PTPRN2: variants seen among roughly 807,000 people sequenced by gnomAD.
PTPRN2 encodes receptor-type tyrosine-protein phosphatase N2.
A neutral mutation model predicts 118.8 loss-of-function variants in PTPRN2; 74 were observed. That is an observed-to-expected ratio of 0.62 (90% CI 0.52 to 0.76). PTPRN2 has a LOEUF of 0.76. PTPRN2 is among the 30% of genes least tolerant of loss of function. The probability of loss-of-function intolerance (pLI) is 0.00; values close to 1 mark genes in which losing one functional copy is unlikely to be tolerated. For missense variants in PTPRN2, 1,481 were observed against 1,394.4 expected (o/e 1.06, Z -0.99); for synonymous variants, 641 against 608.0 (o/e 1.05, Z -0.80).
chr7:157,761,069 C>T (rs1287502592), intron 12 of PTPRN2, among the ~76,000 whole-genome samples: 1 of 150,822 alleles, frequency 6.6e-6, no homozygotes, highest in South Asian at 2.1e-4. Flanking sequence ...TCAAGGAGAA[C>T]TACAAACCAC....
intron 11 of PTPRN2, among the ~76,000 whole-genome samples, chr7:157,907,951 G>C (rs1797871258): frequency 6.6e-6 from 1 of 152,078 alleles, no homozygotes; most frequent in Non-Finnish European, 1.5e-5. Context: ...CCAAATTCCT[G>C]ACCTCACCGA....
intron 1 of PTPRN2, among the ~76,000 whole-genome samples, chr7:158,531,396 G>A (rs1222082762): frequency 1.3e-5 from 2 of 152,200 alleles, no homozygotes; most frequent in African/African-American, 4.8e-5. Flanking sequence ...GGGGCCACAG[G>A]AAGGCCCCAA....
chr7:157,814,497 C>CACGGGGCAGG (rs1293652366), intron 12 of PTPRN2, among the ~76,000 whole-genome samples: 2 of 125,616 alleles, frequency 1.6e-5, no homozygotes, highest in Non-Finnish European at 3.2e-5. Context: ...AGAGGAGAGA[C>CACGGGGCAGG]ACGGGGCAGG....
intron 12 of PTPRN2, among the ~76,000 whole-genome samples, chr7:157,806,632 G>A (rs113530754): frequency 9.9e-5 from 15 of 152,234 alleles, no homozygotes; most frequent in African/African-American, 2.2e-4. Flanking sequence ...ATGTGCATAC[G>A]CATGTATGTG....
chr7:157,610,258 C>T lies in PTPRN2; in HGVS notation c.2345-6183G>A, dbSNP rs752350633. On this transcript the variant is annotated intron_variant, in intron 15 of 22. Transcript: ENST00000389418. The surrounding 1 kb of genome is among the most constrained non-coding windows in gnomAD (Gnocchi z 5.1). ...CAATGGGGTTCCCTCCTCCCAGGGG[C>T]CTCACGGAACTCGGCAATGGGGTTC... 6.6e-6 allele frequency among the ~76,000 whole-genome samples: 1 copy of T among 152,172 alleles called. No individual in the cohort carries two copies. Among genetic ancestry groups the T allele is most frequent in the South Asian group, 2.1e-4 (1 of 4,834 alleles).
At chr7:157,952,336 G>A (rs1800868015) in intron 11 of PTPRN2, among the ~76,000 whole-genome samples, 1 of 150,700 alleles carries the variant, frequency 6.6e-6, no homozygotes, top group Admixed American at 6.6e-5. Context: ...GCCTGAGACA[G>A]GGTGGGGGAC....
chr7:158,463,665 A>G (rs540119496), intron 2 of PTPRN2, among the ~76,000 whole-genome samples: 14 of 151,988 alleles, frequency 9.2e-5, no homozygotes, highest in African/African-American at 3.1e-4. Context: ...CGTCATCACC[A>G]TATCATCACT....
intron 2 of PTPRN2, among the ~76,000 whole-genome samples, chr7:158,336,661 C>G (rs1183752795): frequency 1.4e-5 from 2 of 145,996 alleles, no homozygotes; most frequent in Non-Finnish European, 3.0e-5. Flanking sequence ...GTCACTCACA[C>G]CCACACTCTC....
rs138894854 is a variant in PTPRN2, at chr7:158,122,264, G to A, written c.1557-11349C>T. 2.1e-3 allele frequency among the ~76,000 whole-genome samples: 325 copies of A among 152,274 alleles called. 2 individuals are homozygous for A. Among genetic ancestry groups the A allele is most frequent in the South Asian group, 0.013 (61 of 4,816 alleles). On this transcript the variant is annotated intron_variant, in intron 9 of 22. Coordinates refer to ENST00000389418, the MANE Select transcript of PTPRN2 (RefSeq NM_002847.5). ...TTTCAGTTCTGAAGGACAGTGGCAAGTTTGTGACGTCTCTAAGCTCAACCA... is the reference window on the plus strand; with the variant it reads ...TTTCAGTTCTGAAGGACAGTGGCAAATTTGTGACGTCTCTAAGCTCAACCA...
intron 1 of PTPRN2, among the ~76,000 whole-genome samples, chr7:158,511,235 T>C (rs1425187722): frequency 6.6e-6 from 1 of 152,188 alleles, no homozygotes; most frequent in East Asian, 1.9e-4. Flanking sequence ...GGCAGCTGGA[T>C]GCGCTGGTGT....
intron 11 of PTPRN2, among the ~76,000 whole-genome samples, chr7:157,975,182 C>T (rs1033756561): frequency 3.3e-5 from 5 of 152,132 alleles, no homozygotes; most frequent in Non-Finnish European, 7.4e-5. Context: ...ACACTGCTGT[C>T]CACGCTGGGG....
chr7:157,688,920 A>G (rs1369074458), intron 12 of PTPRN2, among the ~76,000 whole-genome samples: 7 of 152,036 alleles, frequency 4.6e-5, no homozygotes, highest in Non-Finnish European at 7.4e-5. Flanking sequence ...CACAAAGGCC[A>G]AGGGTTCCCG....
intron 17 of PTPRN2, among the ~76,000 whole-genome samples, chr7:157,580,319 C>T (rs866803113): frequency 9.2e-5 from 14 of 152,224 alleles, no homozygotes; most frequent in East Asian, 7.7e-4. Flanking sequence ...CATTGGAATG[C>T]GCAGTTTACA....
At chr7:157,915,045 T>G (rs1451890982) in intron 11 of PTPRN2, among the ~76,000 whole-genome samples, 1 of 152,236 alleles carries the variant, frequency 6.6e-6, no homozygotes, top group African/African-American at 2.4e-5. Context: ...GTAGGTTATA[T>G]TTAGCTTCCT....
intron 3 of PTPRN2, among the ~76,000 whole-genome samples, chr7:158,244,810 G>A (rs1470957024): frequency 1.9e-4 from 27 of 142,046 alleles, no homozygotes; most frequent in Non-Finnish European, 4.1e-4. Context: ...TTGTGTGTGA[G>A]AGTGTGTATG....
intron 2 of PTPRN2, 23 bp downstream of exon 2, chr7:158,489,712 A>T: frequency 6.4e-7 from 1 of 1,565,318 alleles, no homozygotes; most frequent in Non-Finnish European, 8.6e-7. Flanking sequence ...ACCAGGGCGC[A>T]GCAGCCAGGA....
At position 158,054,766 on chromosome 7, in the gene PTPRN2, C is replaced by A. The variant is rs374823337; in HGVS notation, c.1723+26532G>T. Among the ~76,000 whole-genome samples, 23 of 152,370 alleles carry A rather than the reference C, an allele frequency of 1.5e-4. No individual in the cohort carries two copies. In the South Asian group the frequency reaches 4.6e-3, roughly 30 times the overall value. On this transcript the variant is annotated intron_variant, in intron 11 of 22. Transcript: ENST00000389418. ...TAGTGTGCCCCGTAGCACCGTCAGC[C>A]CTGCCTTCCATGATTGCAGCTGATG...
rs200010629 is a variant in PTPRN2 at position 158,326,779 on chromosome 7, ACT to A, written c.164-9849_164-9848del. 1.9e-3 allele frequency among the ~76,000 whole-genome samples: 107 copies of A among 56,270 alleles called. 11 individuals carry two copies. Among genetic ancestry groups the A allele is most frequent in the Non-Finnish European group, 3.0e-3 (67 of 21,978 alleles). 36.9% of individuals were successfully genotyped at this position (56,270 alleles called of 152,430 possible). A position where few individuals can be genotyped will look rare whatever the true frequency, so the allele number is the denominator to read the frequency against. On this transcript the variant is annotated intron_variant, in intron 2 of 22. Transcript: ENST00000389418. ...ATGCACGTTTCACACATGCTCACACACTCACATGCACACACATGCACATTCTC... is the reference window on the plus strand; with the variant it reads ...ATGCACGTTTCACACATGCTCACACACACATGCACACACATGCACATTCTC...
At chr7:158,040,736 C>CTTTTTTTTTTTTTTTTTTTTTTT (rs58192875) in intron 11 of PTPRN2, among the ~76,000 whole-genome samples, 1 of 142,204 alleles carries the variant, frequency 7.0e-6, no homozygotes, top group African/African-American at 2.6e-5. Context: ...TTTTTTCTTT[C>CTTTTTTTTTTTTTTTTTTTTTTT]TTTTTTTTTT....
Sources: allele counts gnomAD v4.1 joint callset (sites outside exome capture counted in the v4.1 genomes callset), GRCh38; gene constraint gnomAD v4.1.1; non-coding constraint Gnocchi (gnomAD v3.1); transcripts MANE v1.5; gene names NCBI Gene and HGNC (gene_info 2026-07-23, HGNC 2026-07-21).